Variants in CCDC148 observed in about 807,000 individuals in gnomAD.
The protein encoded by CCDC148 is coiled-coil domain-containing protein 148.
Under a neutral mutation model 85.7 loss-of-function variants are expected in CCDC148, and 89 were observed. The ratio of observed to expected loss-of-function variants is 1.04; its 90% CI spans 0.87 to 1.24. The LOEUF (loss-of-function observed/expected upper bound fraction) is 1.24. Ranked by LOEUF, CCDC148 falls within the 50% of genes most tolerant of loss-of-function variation. The pLI, the probability that CCDC148 is intolerant of heterozygous loss-of-function variation, is 0.00. For synonymous variants in CCDC148, 230 were observed against 213.9 expected, an observed-to-expected ratio of 1.08 and a Z score of -0.66; for missense variants, 692 against 671.7, an observed-to-expected ratio of 1.03 and a Z score of -0.33.
intron 7 of CCDC148, among the ~76,000 whole-genome samples, chr2:158,333,979 T>A (rs182863719): frequency 6.6e-6 from 1 of 152,266 alleles, no homozygotes; most frequent in African/African-American, 2.4e-5. Context: ...TTTGCTGGGA[T>A]TTTGACTGGG....
intron 7 of CCDC148, among the ~76,000 whole-genome samples, chr2:158,335,709 G>A (rs982562279): frequency 6.6e-6 from 1 of 152,068 alleles, no homozygotes; most frequent in Non-Finnish European, 1.5e-5. Context: ...CCCTTGACAT[G>A]TGGGGATTAT....
At chr2:158,184,836 C>A in intron 11 of CCDC148, among the ~76,000 whole-genome samples, 1 of 152,150 alleles carries the variant, frequency 6.6e-6, no homozygotes, top group East Asian at 1.9e-4. Flanking sequence ...CCTCAGACTT[C>A]TGGGCCAGCT....
intron 7 of CCDC148, among the ~76,000 whole-genome samples, chr2:158,336,474 T>A (rs546326933): frequency 6.6e-6 from 1 of 152,316 alleles, no homozygotes; most frequent in South Asian, 2.1e-4. Context: ...CCCCCAAATA[T>A]TCCAAGCCTT....
intron 1 of CCDC148, among the ~76,000 whole-genome samples, chr2:158,421,206 A>G (rs1475889059): frequency 6.6e-6 from 1 of 152,206 alleles, no homozygotes; most frequent in East Asian, 1.9e-4. Flanking sequence ...AAGGATATCC[A>G]GGAATTGAAC....
Position 158,456,562 on chromosome 2 carries a change from AG to A in CCDC148, c.-124del. On this transcript the variant is annotated 5_prime_UTR_variant, in exon 1 of 14. Coordinates refer to ENST00000283233, the MANE Select transcript of CCDC148 (RefSeq NM_138803.4). ...CTCAGCTGTTCCTACCTTTGACGCC[AG>A]GGACAAACCCTACCAGGCACAGTTG... 8.0e-7 allele frequency: 1 copy of A among 1,243,740 alleles called. No individual in the cohort carries two copies. Among genetic ancestry groups the A allele is most frequent in the Non-Finnish European group, 1.1e-6 (1 of 902,050 alleles). The allele number at this position is 1,243,740 out of a possible 1,614,324, so 77.0% of individuals were successfully genotyped here. A position where few individuals can be genotyped will look rare whatever the true frequency, so the allele number is the denominator to read the frequency against.
chr2:158,355,092 G>A (rs1346078435), intron 2 of CCDC148, among the ~76,000 whole-genome samples: 3 of 151,158 alleles, frequency 2.0e-5, no homozygotes, highest in Non-Finnish European at 4.4e-5. Context: ...AATAATAAGA[G>A]CTATCTATGA....
chr2:158,349,389 T>C (rs1683150501), intron 2 of CCDC148, among the ~76,000 whole-genome samples: 1 of 151,936 alleles, frequency 6.6e-6, no homozygotes, highest in South Asian at 2.1e-4. Context: ...AGAGAGAATG[T>C]GTTAGCTATG....
chr2:158,340,004 G>C (rs977397887), intron 5 of CCDC148, among the ~76,000 whole-genome samples: 1 of 152,178 alleles, frequency 6.6e-6, no homozygotes, highest in Admixed American at 6.5e-5. Flanking sequence ...TGAAAGCAGG[G>C]AAGCCAGTTA....
In CCDC148 at chr2:158,176,637, G is replaced by T; in HGVS notation, c.1513C>A (p.Pro505Thr). 2.5e-6 allele frequency: 4 copies of T among 1,611,800 alleles called. No homozygotes were observed. Among genetic ancestry groups the T allele is most frequent in the Non-Finnish European group, 3.4e-6 (4 of 1,178,800 alleles). ...KQVAVVAQFDPVRMMSDTMAS... is the reference protein window; with the variant it reads ...KQVAVVAQFDTVRMMSDTMAS... ...ATTGTATCTGACATCATTCTAACAG[G>T]ATCAAATTGAGCAACAACAGCAACC... The change falls in exon 13 of 14, where the codon CCT (proline) becomes ACT (threonine). Residue 505 changes from proline to threonine, a missense_variant. Coordinates refer to ENST00000283233, the MANE Select transcript of CCDC148 (RefSeq NM_138803.4).
chr2:158,350,219 C>A (rs551324589), intron 2 of CCDC148, among the ~76,000 whole-genome samples: 11 of 152,216 alleles, frequency 7.2e-5, no homozygotes, highest in African/African-American at 2.4e-4. Flanking sequence ...GTAAAAACCA[C>A]AATAATTAAA....
chr2:158,442,722 C>T (rs1429393981), intron 1 of CCDC148, among the ~76,000 whole-genome samples: 1 of 152,230 alleles, frequency 6.6e-6, no homozygotes, highest in Non-Finnish European at 1.5e-5. Context: ...TCTCTTCCAG[C>T]CTGCGCTGAA....
intron 1 of CCDC148, among the ~76,000 whole-genome samples, chr2:158,372,637 A>G (rs905969957): frequency 1.3e-5 from 2 of 151,998 alleles, no homozygotes; most frequent in African/African-American, 4.8e-5. Context: ...GCAGGGTATT[A>G]TATAATTCAC....
At chr2:158,237,415 G>A (rs1326720095) in intron 10 of CCDC148, among the ~76,000 whole-genome samples, 1 of 152,028 alleles carries the variant, frequency 6.6e-6, no homozygotes, top group Non-Finnish European at 1.5e-5. Context: ...GGAAAGGGAG[G>A]GGACATATTA....
chr2:158,406,052 G>T (rs993545630), intron 1 of CCDC148, among the ~76,000 whole-genome samples: 2 of 152,080 alleles, frequency 1.3e-5, no homozygotes, highest in African/African-American at 2.4e-5. Flanking sequence ...GGCTCTACAT[G>T]GTGTGGCTTG....
At chr2:158,421,646 G>A (rs1374910159) in intron 1 of CCDC148, among the ~76,000 whole-genome samples, 2 of 152,092 alleles carry the variant, frequency 1.3e-5, no homozygotes, top group South Asian at 2.1e-4. Flanking sequence ...GGAAAGATTT[G>A]AAATGGACAC....
At chr2:158,224,527 G>A (rs928994968) in intron 10 of CCDC148, among the ~76,000 whole-genome samples, 3 of 152,068 alleles carry the variant, frequency 2.0e-5, no homozygotes, top group Admixed American at 6.6e-5. Flanking sequence ...ATTCACCAAA[G>A]GTAAAAATGT....
At chr2:158,172,755 C>G (rs1466399620) in intron 13 of CCDC148, among the ~76,000 whole-genome samples, 2 of 152,068 alleles carry the variant, frequency 1.3e-5, no homozygotes, top group African/African-American at 4.8e-5. Flanking sequence ...CTATTTCAAA[C>G]AGAAGTAGAA....
intron 2 of CCDC148, among the ~76,000 whole-genome samples, chr2:158,351,387 G>C (rs892429731): frequency 3.9e-5 from 6 of 152,206 alleles, no homozygotes; most frequent in African/African-American, 1.2e-4. Flanking sequence ...CGCAACGTGC[G>C]CGAGCCGAAG....
At position 158,386,809 on chromosome 2, in the gene CCDC148, T is replaced by C. The variant is rs75441034; in HGVS notation, c.26-28239A>G. On this transcript the variant is annotated intron_variant, in intron 1 of 13. Transcript: ENST00000283233. ...TCCTTCCCATACTCCTTCCCACATA[T>C]TCTACCTCCCCTCATATGCACAGAA... is the stretch of plus-strand genomic sequence containing the variant. Among the ~76,000 whole-genome samples, 13 of 152,194 alleles carry C rather than the reference T, an allele frequency of 8.5e-5. No individual in the cohort carries two copies. In the East Asian group the frequency reaches 2.5e-3, roughly 29 times the overall value.
Sources: gnomAD v4.1 joint callset for allele counts (sites outside exome capture counted in the v4.1 genomes callset) on GRCh38, gnomAD v4.1.1 for gene constraint, MANE v1.5 for transcripts, NCBI Gene and HGNC (gene_info 2026-07-23, HGNC 2026-07-21) for gene names.